The following FHIT variants were observed in gnomAD, a reference collection of about 807,000 sequenced individuals.
The protein encoded by FHIT is bis(5'-adenosyl)-triphosphatase.
A neutral mutation model predicts 17.9 loss-of-function variants in FHIT; 19 were observed. The observed-to-expected ratio is 1.06, with a 90% CI of 0.74 to 1.56. The LOEUF (loss-of-function observed/expected upper bound fraction) is 1.56. Ranked by LOEUF, FHIT falls within the 40% of genes most tolerant of loss-of-function variation. FHIT has a pLI of 0.00. For missense variants in FHIT, 248 were observed against 189.2 expected, an observed-to-expected ratio of 1.31 and a Z score of -1.82; for synonymous variants, 81 against 69.7, an observed-to-expected ratio of 1.16 and a Z score of -0.81.
chr3:60,060,175 T>C (rs953582607), intron 5 of FHIT, among the ~76,000 whole-genome samples: 2 of 150,038 alleles, frequency 1.3e-5, no homozygotes, highest in African/African-American at 2.5e-5. Context: ...ATGGAAGGTA[T>C]AATTGGTGTT....
chr3:59,890,740 C>T (rs1394290813), intron 8 of FHIT, among the ~76,000 whole-genome samples: 1 of 152,140 alleles, frequency 6.6e-6, no homozygotes, highest in Non-Finnish European at 1.5e-5. Context: ...GTTCAAAGTA[C>T]TTTGGAAATG....
At chr3:60,578,916 T>C (rs996413599) in intron 4 of FHIT, among the ~76,000 whole-genome samples, 2 of 152,174 alleles carry the variant, frequency 1.3e-5, no homozygotes, top group African/African-American at 2.4e-5. Context: ...TTATATACCA[T>C]GTCTTTGGAC....
At chr3:60,429,223 T>C (rs978004177) in intron 5 of FHIT, among the ~76,000 whole-genome samples, 2 of 152,016 alleles carry the variant, frequency 1.3e-5, no homozygotes, top group South Asian at 4.1e-4. Flanking sequence ...CAGTTAAAAC[T>C]CTTATAAATA....
chr3:60,542,188 C>A (rs2036208149), intron 4 of FHIT, among the ~76,000 whole-genome samples: 1 of 152,130 alleles, frequency 6.6e-6, no homozygotes, highest in Non-Finnish European at 1.5e-5. Context: ...TCCATGTTGC[C>A]ATAAACAATT....
chr3:60,509,409 A>G (rs773156376), intron 5 of FHIT, among the ~76,000 whole-genome samples: 2 of 152,226 alleles, frequency 1.3e-5, no homozygotes, highest in Non-Finnish European at 2.9e-5. Flanking sequence ...CTCAGATAAG[A>G]CAAGTTGTCC....
intron 2 of FHIT, among the ~76,000 whole-genome samples, chr3:61,155,767 A>G (rs1380053373): frequency 6.6e-6 from 1 of 152,192 alleles, no homozygotes; most frequent in Non-Finnish European, 1.5e-5. Flanking sequence ...TACAGACTTC[A>G]CTTTATGATG....
intron 3 of FHIT, among the ~76,000 whole-genome samples, chr3:61,036,561 T>C (rs1005736343): frequency 6.6e-6 from 1 of 152,272 alleles, no homozygotes; most frequent in Admixed American, 6.5e-5. Context: ...TAATGACCTT[T>C]CCTTTTGAAA....
At chr3:60,744,255 AAACAAAAC>A (rs1431266691) in intron 4 of FHIT, among the ~76,000 whole-genome samples, 1 of 54,608 alleles carries the variant, frequency 1.8e-5, no homozygotes, top group Non-Finnish European at 3.5e-5. Context: ...GTAAAAAAAA[AAACAAAAC>A]AAAACAAAAA....
intron 3 of FHIT, among the ~76,000 whole-genome samples, chr3:60,986,799 T>C (rs931677734): frequency 1.3e-4 from 20 of 152,286 alleles, no homozygotes; most frequent in Middle Eastern, 3.4e-3. Flanking sequence ...CCCCCACTGA[T>C]ATGTGCTTGG....
chr3:59,825,779 C>A (rs1341177653), intron 8 of FHIT, among the ~76,000 whole-genome samples: 2 of 152,156 alleles, frequency 1.3e-5, no homozygotes, highest in African/African-American at 2.4e-5. Context: ...TCTCAGGAAT[C>A]ATTTGCCCAA....
At chr3:60,510,373 G>C (rs1272256552) in intron 5 of FHIT, among the ~76,000 whole-genome samples, 2 of 152,200 alleles carry the variant, frequency 1.3e-5, no homozygotes, top group Non-Finnish European at 2.9e-5. Flanking sequence ...AAACGGCCAT[G>C]ATTCATTTTT....
At chr3:60,067,496 C>T (rs1012644512) in intron 5 of FHIT, among the ~76,000 whole-genome samples, 2 of 152,180 alleles carry the variant, frequency 1.3e-5, no homozygotes, top group East Asian at 1.9e-4. Flanking sequence ...TCTATTTCAT[C>T]TTTGATTTCC....
intron 5 of FHIT, among the ~76,000 whole-genome samples, chr3:60,194,714 A>C (rs936457063): frequency 3.3e-5 from 5 of 152,218 alleles, no homozygotes; most frequent in Non-Finnish European, 7.3e-5. Flanking sequence ...AGAATCTGCT[A>C]GGAACTCAAA....
chr3:60,507,131 G>T (rs1169268896), intron 5 of FHIT, among the ~76,000 whole-genome samples: 1 of 152,142 alleles, frequency 6.6e-6, no homozygotes, highest in Non-Finnish European at 1.5e-5. Flanking sequence ...ATATAATAAA[G>T]GAAAGTGGCC....
intron 4 of FHIT, among the ~76,000 whole-genome samples, chr3:60,564,502 A>T (rs1021759316): frequency 6.6e-6 from 1 of 152,196 alleles, no homozygotes; most frequent in Admixed American, 6.5e-5. Context: ...GGCAAAGTAA[A>T]TTGAAAACCT....
intron 3 of FHIT, among the ~76,000 whole-genome samples, chr3:61,029,345 A>G (rs1008027840): frequency 6.6e-6 from 1 of 152,246 alleles, no homozygotes; most frequent in Non-Finnish European, 1.5e-5. Flanking sequence ...GCGTATGAAC[A>G]AGATTTAAAC....
intron 4 of FHIT, among the ~76,000 whole-genome samples, chr3:60,668,196 T>A (rs1323321021): frequency 6.6e-6 from 1 of 151,638 alleles, no homozygotes; most frequent in Non-Finnish European, 1.5e-5. Context: ...ATTCTTTTTT[T>A]ACGTGTTCTG....
chr3:61,190,638 T>C (rs2038683968), intron 2 of FHIT, among the ~76,000 whole-genome samples: 1 of 152,190 alleles, frequency 6.6e-6, no homozygotes, highest in Non-Finnish European at 1.5e-5. Context: ...ATACGTATGT[T>C]TATTGTGGCA....
intron 1 of FHIT, among the ~76,000 whole-genome samples, chr3:61,227,802 T>C (rs1300041631): frequency 6.6e-6 from 1 of 152,160 alleles, no homozygotes; most frequent in African/African-American, 2.4e-5. Context: ...ATGTTTGCCC[T>C]TTCTACTAAA....
Sources: gnomAD v4.1 joint callset for allele counts (sites outside exome capture counted in the v4.1 genomes callset) on GRCh38, gnomAD v4.1.1 for gene constraint, MANE v1.5 for transcripts, NCBI Gene and HGNC (gene_info 2026-07-23, HGNC 2026-07-21) for gene names.